PLD5: variants seen among roughly 807,000 people sequenced by gnomAD.
The protein encoded by PLD5 is inactive phospholipase D5.
In PLD5, 36 loss-of-function variants were observed where a neutral mutation model predicts 61.1. That is an observed-to-expected ratio of 0.59 (90% CI 0.45 to 0.78). The LOEUF is 0.78. Ranked by LOEUF, PLD5 falls within the 30% of genes least tolerant of loss-of-function variation. PLD5 has a pLI of 0.00. For missense variants in PLD5, 515 were observed against 644.4 expected, an observed-to-expected ratio of 0.80 and a Z score of 2.17; for synonymous variants, 243 against 242.8, an observed-to-expected ratio of 1.00 and a Z score of -0.01.
rs1475131297 is a variant in PLD5 at position 242,083,914 on chromosome 1, G to T, written c.*5940C>A. The T allele has an allele frequency of 6.6e-6, 1 of 152,144 alleles. No homozygotes were observed. The highest frequency in any genetic ancestry group is 1.5e-5 in the Non-Finnish European group (1 of 68,038). The allele number at this position is 152,144 out of a possible 1,614,324, so 9.4% of individuals were successfully genotyped here. A position where few individuals can be genotyped will look rare whatever the true frequency, so the allele number is the denominator to read the frequency against. ...TCTAAATTAGAAACCATCTGTGTTT[G>T]TCTTGCAAGGGGCTCAGAATGTCTC... On this transcript the variant is annotated 3_prime_UTR_variant, in exon 10 of 10. Transcript: ENST00000536534.
chr1:242,420,327 A>G (rs1185456137), intron 1 of PLD5, among the ~76,000 whole-genome samples: 3 of 152,144 alleles, frequency 2.0e-5, no homozygotes, highest in African/African-American at 4.8e-5. Context: ...CCCTCAATCA[A>G]CATGTTCCAT....
intron 1 of PLD5, among the ~76,000 whole-genome samples, chr1:242,523,841 C>T (rs1178708746): frequency 1.1e-4 from 16 of 152,238 alleles, no homozygotes; most frequent in Admixed American, 1.0e-3. Context: ...CCGGGAGACG[C>T]AGGTGGGCAG....
intron 5 of PLD5, among the ~76,000 whole-genome samples, chr1:242,191,968 G>C (rs571142314): frequency 1.3e-5 from 2 of 152,322 alleles, no homozygotes; most frequent in East Asian, 3.9e-4. Flanking sequence ...AGAAACAACT[G>C]ACTGGCTTGG....
rs1205169617 is a variant in PLD5, at chr1:242,342,931, G to T, written c.326+5175C>A. On this transcript the variant is annotated intron_variant, in intron 2 of 9. Coordinates refer to ENST00000536534, the MANE Select transcript of PLD5 (RefSeq NM_001372062.1). ...AATCTAGCAGCAAAATAATACAAAG[G>T]GGGGAAGAAATAAAACAAGACAAAA... is the stretch of plus-strand genomic sequence containing the variant. 2.0e-5 allele frequency among the ~76,000 whole-genome samples: 3 copies of T among 152,054 alleles called. No homozygotes were observed. The East Asian group carries it at 5.8e-4, about 29-fold the overall frequency.
intron 6 of PLD5, among the ~76,000 whole-genome samples, chr1:242,117,724 C>T (rs2148715122): frequency 6.6e-6 from 1 of 152,190 alleles, no homozygotes; most frequent in Non-Finnish European, 1.5e-5. Flanking sequence ...TTTTCCCAAC[C>T]CTGTACTCCC....
At chr1:242,115,664 A>AAAAAAAAAAAAAAATCG (rs770237708) in intron 6 of PLD5, among the ~76,000 whole-genome samples, 3 of 151,300 alleles carry the variant, frequency 2.0e-5, no homozygotes, top group African/African-American at 4.9e-5. Flanking sequence ...TCTAAAAAAA[A>AAAAAAAAAAAAAAATCG]AAAAATCTTG....
rs190327881 is a variant in PLD5, at chr1:242,458,778, A to T, written c.189+65310T>A. ...TGTATTGACTCATCCTTTAATCAAT[A>T]TCATAGTATTTTAATAGTCAGAGCC... On this transcript the variant is annotated intron_variant, in intron 1 of 9. Transcript: ENST00000536534. 2.9e-4 allele frequency among the ~76,000 whole-genome samples: 44 copies of T among 152,334 alleles called. 1 individual carries two copies. The highest frequency in any genetic ancestry group is 1.1e-3 in the African/African-American group (44 of 41,588).
intron 1 of PLD5, among the ~76,000 whole-genome samples, chr1:242,399,636 C>T (rs558165547): frequency 7.8e-6 from 1 of 128,478 alleles, no homozygotes; most frequent in East Asian, 2.0e-4. Context: ...GAAACAGAGG[C>T]TAAGCATTAA....
At chr1:242,113,382 C>G (rs12138344) in intron 7 of PLD5, among the ~76,000 whole-genome samples, 1 of 151,988 alleles carries the variant, frequency 6.6e-6, no homozygotes, top group Non-Finnish European at 1.5e-5. Context: ...CGTGAGCCAC[C>G]GCACATGGCC....
chr1:242,284,703 TAGA>T (rs965087688), intron 3 of PLD5, among the ~76,000 whole-genome samples: 15 of 152,106 alleles, frequency 9.9e-5, no homozygotes, highest in Admixed American at 3.3e-4. Context: ...CTAGAAAAAC[TAGA>T]AGAAGAGGAG....
chr1:242,323,930 G>A (rs1195216103), intron 2 of PLD5, among the ~76,000 whole-genome samples: 2 of 152,056 alleles, frequency 1.3e-5, no homozygotes, highest in African/African-American at 2.4e-5. Flanking sequence ...GTTACCAAAC[G>A]TAGTGTGTTC....
At chr1:242,222,296 A>G (rs572154398) in intron 4 of PLD5, among the ~76,000 whole-genome samples, 1 of 152,188 alleles carries the variant, frequency 6.6e-6, no homozygotes, top group South Asian at 2.1e-4. Flanking sequence ...TTTCTGGGGG[A>G]TGCAATTCAA....
At chr1:242,360,960 T>C (rs1661033403) in intron 1 of PLD5, among the ~76,000 whole-genome samples, 1 of 152,120 alleles carries the variant, frequency 6.6e-6, no homozygotes, top group Admixed American at 6.5e-5. Context: ...ACCTCAATAA[T>C]AATTCTGAAT....
intron 9 of PLD5, among the ~76,000 whole-genome samples, chr1:242,094,733 G>A (rs182058907): frequency 4.6e-5 from 7 of 152,202 alleles, no homozygotes; most frequent in Non-Finnish European, 8.8e-5. Flanking sequence ...ATAGATCGGA[G>A]ACAGTGTTAG....
rs534683036 is a variant in PLD5 at position 242,412,212 on chromosome 1, T to C, written c.190-63970A>G. ...GCCCTTAGGGAAGAAAGCCTTGTGG[T>C]GGTTAGTAAGGGAGGGGGCATAATG... On this transcript the variant is annotated intron_variant, in intron 1 of 9. Transcript: ENST00000536534. Among the ~76,000 whole-genome samples, 5 of 152,250 alleles carry C rather than the reference T, an allele frequency of 3.3e-5. No individual in the cohort carries two copies. In the East Asian group the frequency reaches 9.7e-4, roughly 29 times the overall value.
At chr1:242,452,508 C>T (rs1666817824) in intron 1 of PLD5, among the ~76,000 whole-genome samples, 1 of 151,992 alleles carries the variant, frequency 6.6e-6, no homozygotes, top group African/African-American at 2.4e-5. Context: ...AGTTCGTATA[C>T]CTTCATTAAA....
Position 242,084,462 on chromosome 1 carries a change from A to G in PLD5, c.*5392T>C, listed in dbSNP as rs541064104. 68 of 152,294 alleles carry G rather than the reference A, an allele frequency of 4.5e-4. No homozygotes were observed. Among genetic ancestry groups the G allele is most frequent in the African/African-American group, 1.6e-3 (68 of 41,568 alleles). The allele number at this position is 152,294 out of a possible 1,614,324, so 9.4% of individuals were successfully genotyped here. ...CTGTGTGGGTCTTGAGAAAGGAACC[A>G]TATAAAGCACTCCAAATTGTTTGGC... On this transcript the variant is annotated 3_prime_UTR_variant, in exon 10 of 10. Coordinates refer to ENST00000536534, the MANE Select transcript of PLD5 (RefSeq NM_001372062.1).
At chr1:242,204,419 C>T (rs1669190665) in intron 5 of PLD5, among the ~76,000 whole-genome samples, 1 of 152,162 alleles carries the variant, frequency 6.6e-6, no homozygotes, top group African/African-American at 2.4e-5. Flanking sequence ...CTAGTCCATG[C>T]CCCTTGACCG....
chr1:242,212,805 A>C (rs192227299), intron 5 of PLD5, among the ~76,000 whole-genome samples: 4 of 152,294 alleles, frequency 2.6e-5, no homozygotes, highest in Admixed American at 2.6e-4. Flanking sequence ...ATTTGAGTAA[A>C]ATTTAAAAAT....
Sources: allele counts gnomAD v4.1 joint callset (sites outside exome capture counted in the v4.1 genomes callset), GRCh38; gene constraint gnomAD v4.1.1; transcripts MANE v1.5; gene names NCBI Gene and HGNC (gene_info 2026-07-23, HGNC 2026-07-21).